Variants in IRX6 observed in about 807,000 individuals in gnomAD.
The protein encoded by IRX6 is iroquois homeobox 6, also known as iroquois-class homeodomain protein IRX-6.
IRX6 carries 46 observed loss-of-function variants against 47.7 expected under a neutral mutation model. The observed-to-expected ratio is 0.96, with a 90% CI of 0.76 to 1.23. IRX6 has a LOEUF of 1.23. Among genes scored for constraint, IRX6 ranks in the 50% most tolerant of loss-of-function variants. The pLI, the probability that IRX6 is intolerant of heterozygous loss-of-function variation, is 0.00. For missense variants in IRX6, 722 were observed against 588.0 expected (o/e 1.23, Z -2.36); for synonymous variants, 265 against 246.2 (o/e 1.08, Z -0.72).
chr16:55,329,398 T>A, intron 5 of IRX6, 87 bp downstream of exon 5: 1 of 1,484,980 alleles, frequency 6.7e-7, no homozygotes, highest in Non-Finnish European at 9.0e-7. Context: ...CCTCTGCCAT[T>A]CCAGTCTGCC....
chr16:55,328,607 G>GGC (rs1960579479), intron 4 of IRX6, 93 bp from the exon 5 acceptor site: 1 of 1,306,230 alleles, frequency 7.7e-7, no homozygotes, highest in Admixed American at 2.0e-5. Flanking sequence ...CTGAGTGCAG[G>GGC]GCGCTTCTTG....
intron 2 of IRX6, 188 bp downstream of exon 2, chr16:55,326,781 T>C: frequency 1.9e-6 from 1 of 532,190 alleles, no homozygotes; most frequent in Non-Finnish European, 3.1e-6. Flanking sequence ...TATACTTCTA[T>C]TAATTCTGTG....
In IRX6 at chr16:55,327,657, AG is replaced by A. The variant is rs749113911; in HGVS notation, c.487del (p.Ala163ProfsTer26). ...NATRETTSTL[K>X]AWLNEHRKNP... The stretch of plus-strand genomic sequence containing the variant: ...ACCCGGGAGACCACCAGTACACTCA[AG>A]GCCTGGCTCAACGAGCACCGCAAAA... On this transcript the variant is annotated frameshift_variant, in exon 4 of 6. Coordinates refer to ENST00000290552, the MANE Select transcript of IRX6 (RefSeq NM_024335.3). LOFTEE classifies it high-confidence loss of function. 1 of 1,612,510 alleles carries A rather than the reference AG, an allele frequency of 6.2e-7. No homozygotes were observed. The highest frequency in any genetic ancestry group is 8.5e-7 in the Non-Finnish European group (1 of 1,179,990).
Position 55,330,507 on chromosome 16 carries a change from A to G in IRX6, c.*202A>G. 1.7e-6 allele frequency: 1 copy of G among 604,004 alleles called. No homozygotes were observed. The highest frequency in any genetic ancestry group is 3.0e-6 in the Non-Finnish European group (1 of 337,534). The allele number at this position is 604,004 out of a possible 1,614,324, so 37.4% of individuals were successfully genotyped here. ...GCCGACTTGAACCTTAGCAGTCCCC[A>G]CGGGAGATGGCAGGGCACCTTGGGG... On this transcript the variant is annotated 3_prime_UTR_variant, in exon 6 of 6. Transcript: ENST00000290552.
rs1960565825 is a variant in IRX6 at position 55,327,887 on chromosome 16, A to G, written c.715A>G (p.Thr239Ala). 1.9e-6 allele frequency: 3 copies of G among 1,595,614 alleles called. No individual in the cohort carries two copies. Among genetic ancestry groups the G allele is most frequent in the Non-Finnish European group, 1.7e-6 (2 of 1,171,158 alleles). ...CTCACTAGGCTGCCTAACTGCTGACACCAAAGGTACTGAAAACGTTCACCA... is the reference window on the plus strand; with the variant it reads ...CTCACTAGGCTGCCTAACTGCTGACGCCAAAGGTACTGAAAACGTTCACCA... ...EDSLGCLTAD[T>A]KEVTASQEAR... The change falls in exon 4 of 6, where the codon ACC (threonine) becomes GCC (alanine). Residue 239 changes from threonine (T) to alanine (A), a missense_variant. Coordinates refer to ENST00000290552, the MANE Select transcript of IRX6 (RefSeq NM_024335.3).
In IRX6 at chr16:55,329,289, C is replaced by T. The variant is rs1175320476; in HGVS notation, c.1311C>T (p.Cys437=). 1 of 1,606,286 alleles carries T rather than the reference C, an allele frequency of 6.2e-7. No homozygotes were observed. Among genetic ancestry groups the T allele is most frequent in the Admixed American group, 1.7e-5 (1 of 59,908 alleles). ...GGAGGAGCGAGCCTGTAGTGCAGTG[C>T]CAGTACCCGTCTGGAGCAGAAGGTA... ...CPRRSEPVVQ[C]QYPSGAEAG Residue 437 remains cysteine, a synonymous_variant, in exon 5 of 6, where the codon TGC becomes TGT. Coordinates refer to ENST00000290552, the MANE Select transcript of IRX6 (RefSeq NM_024335.3).
chr16:55,327,260 A>T (rs1242259452), intron 2 of IRX6, 36 bp from the exon 3 acceptor site: 1 of 1,503,638 alleles, frequency 6.7e-7, no homozygotes, highest in Non-Finnish European at 9.3e-7. Context: ...CCCCTCCCCA[A>T]CTGTACTCCT....
At chr16:55,327,924 G>A in intron 4 of IRX6, 31 bp downstream of exon 4, 1 of 1,554,634 alleles carries the variant, frequency 6.4e-7, no homozygotes, top group Non-Finnish European at 8.7e-7. Flanking sequence ...CCCACCTTAA[G>A]GGTTTTACAA....
chr16:55,326,980 GGGGGAAAGGA>G, intron 2 of IRX6: 1 of 235,364 alleles, frequency 4.2e-6, no homozygotes. Flanking sequence ...GGGCAGTAAG[GGGGGAAAGGA>G]GGGAGGGACA....
chr16:55,329,587 G>T (rs1960607145), intron 5 of IRX6, among the ~76,000 whole-genome samples: 1 of 152,220 alleles, frequency 6.6e-6, no homozygotes, highest in South Asian at 2.1e-4. Context: ...CAGGATCTCT[G>T]CATTCGTGTG....
intron 1 of IRX6, chr16:55,325,992 G>C (rs1427504403): frequency 3.7e-6 from 1 of 271,970 alleles, no homozygotes; most frequent in Non-Finnish European, 7.0e-6. Flanking sequence ...CTCCGCCTTT[G>C]CAGGATCCTG....
rs543444949 is a variant in IRX6 at position 55,328,035 on chromosome 16, T to C, written c.721+142T>C. The C allele has an allele frequency of 3.0e-5, 23 of 770,392 alleles. No homozygotes were observed. The South Asian group carries it at 4.5e-4, about 15-fold the overall frequency. The allele number at this position is 770,392 out of a possible 1,614,324, so 47.7% of individuals were successfully genotyped here. A position where few individuals can be genotyped will look rare whatever the true frequency, so the allele number is the denominator to read the frequency against. Reference sequence around the variant, plus strand: ...CACTTCCCTGCCTGTCTCAGAGCATTAGCCTGTGCACTGCCTTCTACCTGT... The same window carrying C: ...CACTTCCCTGCCTGTCTCAGAGCATCAGCCTGTGCACTGCCTTCTACCTGT... On this transcript the variant is annotated intron_variant, in intron 4 of 5. Coordinates refer to ENST00000290552, the MANE Select transcript of IRX6 (RefSeq NM_024335.3).
intron 2 of IRX6, 151 bp downstream of exon 2, chr16:55,326,744 A>T: frequency 1.4e-6 from 1 of 701,744 alleles, no homozygotes; most frequent in Non-Finnish European, 2.2e-6. Context: ...TACAGTTTGC[A>T]GAACTTCATA....
rs747188603 is a variant in IRX6 at position 55,330,325 on chromosome 16, G to A, written c.*20G>A. 25 of 1,613,050 alleles carry A rather than the reference G, an allele frequency of 1.5e-5. No homozygotes were observed. The highest frequency in any genetic ancestry group is 3.3e-5 in the Admixed American group (2 of 59,998). On this transcript the variant is annotated 3_prime_UTR_variant, in exon 6 of 6. Coordinates refer to ENST00000290552, the MANE Select transcript of IRX6 (RefSeq NM_024335.3). ...GGTTAGCGCAATGGCTGCGATTTGCGAAAGAATCTTGGAAATGGGCCCCAC... is the reference window on the plus strand; with the variant it reads ...GGTTAGCGCAATGGCTGCGATTTGCAAAAGAATCTTGGAAATGGGCCCCAC...
At position 55,327,630 on chromosome 16, in the gene IRX6, C is replaced by A. The variant is rs746371554; in HGVS notation, c.458C>A (p.Ala153Glu). Residue 153 changes from alanine (A) to glutamate (E), a missense_variant, in exon 4 of 6, where the codon GCG becomes GAG. Physicochemically the swap from Ala to Glu is moderately radical, Grantham distance 107. Coordinates refer to ENST00000290552, the MANE Select transcript of IRX6 (RefSeq NM_024335.3). ...ELSGAGRRKN[A>E]TRETTSTLKA... ...AGTGGCGCCGGTCGCCGAAAGAACG[C>A]GACCCGGGAGACCACCAGTACACTC... 7 of 1,610,914 alleles carry A rather than the reference C, an allele frequency of 4.3e-6. No individual in the cohort carries two copies. In the South Asian group the frequency reaches 5.5e-5, roughly 13 times the overall value.
Position 55,325,067 on chromosome 16 carries a change from G to C in IRX6, c.-25G>C, listed in dbSNP as rs1960484792. 1 of 1,613,722 alleles carries C rather than the reference G, an allele frequency of 6.2e-7. No homozygotes were observed. The highest frequency in any genetic ancestry group is 1.3e-5 in the African/African-American group (1 of 74,942). ...TGAGACGGGAACTCGACAGGGAAGA[G>C]AGAGACGGGCCAGGGACAGCCACCA... On this transcript the variant is annotated 5_prime_UTR_variant, in exon 1 of 6. Transcript: ENST00000290552.
chr16:55,328,398 A>G (rs1442465156), intron 4 of IRX6, among the ~76,000 whole-genome samples: 2 of 152,216 alleles, frequency 1.3e-5, no homozygotes, highest in African/African-American at 4.8e-5. Flanking sequence ...GGTTTTTCAC[A>G]ATTGAGAAAC....
chr16:55,328,636 T>C, intron 4 of IRX6, 64 bp from the exon 5 acceptor site: 3 of 1,545,046 alleles, frequency 1.9e-6, no homozygotes, highest in Non-Finnish European at 1.8e-6. Flanking sequence ...TTCTCGGGGA[T>C]GGACATTCCT....
In IRX6 at chr16:55,330,601, A is replaced by G; in HGVS notation, c.*296A>G. On this transcript the variant is annotated 3_prime_UTR_variant, in exon 6 of 6. Coordinates refer to ENST00000290552, the MANE Select transcript of IRX6 (RefSeq NM_024335.3). ...TACCAAGTCTCTCTTCCTCCTGTGG[A>G]TTCAGCAAGGCTTCCTCTCCTGCTC... is the stretch of plus-strand genomic sequence containing the variant. 1.9e-6 allele frequency: 1 copy of G among 513,150 alleles called. No homozygotes were observed. The highest frequency in any genetic ancestry group is 2.3e-5 in the South Asian group (1 of 43,436). The allele number at this position is 513,150 out of a possible 1,614,324, so 31.8% of individuals were successfully genotyped here. A position where few individuals can be genotyped will look rare whatever the true frequency, so the allele number is the denominator to read the frequency against.
Sources: allele counts gnomAD v4.1 joint callset (sites outside exome capture counted in the v4.1 genomes callset), GRCh38; gene constraint gnomAD v4.1.1; transcripts MANE v1.5; gene names NCBI Gene and HGNC (gene_info 2026-07-23, HGNC 2026-07-21).